Variants in TCF4 observed in about 807,000 individuals in gnomAD.
The protein encoded by TCF4 is transcription factor 4.
TCF4 carries 3 observed loss-of-function variants against 82.1 expected under a neutral mutation model. The ratio of observed to expected loss-of-function variants is 0.04; its 90% CI spans 0.02 to 0.09. TCF4 has a LOEUF of 0.09. Among genes scored for constraint, TCF4 ranks in the 10% least tolerant of loss-of-function variants. The probability of loss-of-function intolerance (pLI) is 1.00; values close to 1 mark genes in which losing one functional copy is unlikely to be tolerated. For synonymous variants in TCF4, 276 were observed against 309.6 expected (o/e 0.89, Z 1.14); for missense variants, 518 against 852.7 (o/e 0.61, Z 4.89).
chr18:55,600,962 C>G (rs1001963408), intron 2 of TCF4, among the ~76,000 whole-genome samples: 4 of 152,154 alleles, frequency 2.6e-5, no homozygotes, highest in Admixed American at 2.6e-4. Context: ...TATGCAGATA[C>G]TGTGCCATTT....
chr18:55,234,730 C>G (rs1029162522), intron 15 of TCF4, 47 bp from the exon 16 acceptor site: 2 of 1,613,018 alleles, frequency 1.2e-6, no homozygotes, highest in Non-Finnish European at 1.7e-6. Context: ...ACCGGAGGTG[C>G]GACAGCTATT....
chr18:55,241,669 T>C (rs1555734713), intron 15 of TCF4, among the ~76,000 whole-genome samples: 1 of 152,238 alleles, frequency 6.6e-6, no homozygotes, highest in Non-Finnish European at 1.5e-5. Flanking sequence ...CCATTACCCA[T>C]TGGCCTTTAT....
At chr18:55,365,191 A>ATATATATATATATGTGTG (rs1361444592) in intron 6 of TCF4, among the ~76,000 whole-genome samples, 7 of 97,952 alleles carry the variant, frequency 7.1e-5, no homozygotes, top group African/African-American at 3.5e-4. Flanking sequence ...ATATATATAT[A>ATATATATATATATGTGTG]TGTGTGTGTG....
chr18:55,431,483 T>C (rs183968329), intron 5 of TCF4, among the ~76,000 whole-genome samples: 2 of 152,286 alleles, frequency 1.3e-5, no homozygotes, highest in Admixed American at 1.3e-4. Context: ...TTTCACCACG[T>C]TGGCCAAGCT....
chr18:55,554,373 T>C (rs2097286258), intron 3 of TCF4, among the ~76,000 whole-genome samples: 1 of 152,140 alleles, frequency 6.6e-6, no homozygotes, highest in Admixed American at 6.6e-5. Flanking sequence ...AGTTTATTAA[T>C]AAAACACTAG....
chr18:55,484,692 C>A (rs2096490772), intron 3 of TCF4, among the ~76,000 whole-genome samples: 1 of 152,068 alleles, frequency 6.6e-6, no homozygotes, highest in Non-Finnish European at 1.5e-5. Flanking sequence ...ATGACTGTAC[C>A]CCATGTGTTG....
chr18:55,354,953 G>A (rs543622412), intron 6 of TCF4, among the ~76,000 whole-genome samples: 21 of 152,220 alleles, frequency 1.4e-4, no homozygotes, highest in Non-Finnish European at 2.8e-4. Context: ...AACATCTTGG[G>A]GGGATGTTGC....
At chr18:55,359,444 C>T (rs963365831) in intron 6 of TCF4, among the ~76,000 whole-genome samples, 15 of 152,174 alleles carry the variant, frequency 9.9e-5, no homozygotes, top group African/African-American at 3.6e-4. Context: ...TCTGTGGGAT[C>T]CTCAAGCGCA....
chr18:55,513,787 C>T (rs1168686403), intron 3 of TCF4, among the ~76,000 whole-genome samples: 1 of 151,970 alleles, frequency 6.6e-6, no homozygotes, highest in Non-Finnish European at 1.5e-5. Context: ...AAAGCTGATC[C>T]CCAATGTTTG....
chr18:55,476,174 C>CA (rs11298284), intron 3 of TCF4, among the ~76,000 whole-genome samples: 34 of 146,312 alleles, frequency 2.3e-4, no homozygotes, highest in Middle Eastern at 3.4e-3. Context: ...GGCTGACGTA[C>CA]AAAAAAAAAA....
intron 5 of TCF4, among the ~76,000 whole-genome samples, chr18:55,415,762 C>T (rs141810681): frequency 0.015 from 2,259 of 152,114 alleles, 24 homozygotes; most frequent in Non-Finnish European, 0.022. Context: ...TTTTTATTGC[C>T]CTATCTGACC....
intron 3 of TCF4, among the ~76,000 whole-genome samples, chr18:55,490,825 C>T (rs993619076): frequency 4.6e-5 from 7 of 152,084 alleles, no homozygotes; most frequent in South Asian, 4.2e-4. Context: ...ATTTGGACTG[C>T]ACCAGTATTT....
intron 4 of TCF4, among the ~76,000 whole-genome samples, chr18:55,463,094 C>G (rs1366865343): frequency 6.6e-6 from 1 of 151,610 alleles, no homozygotes; most frequent in Non-Finnish European, 1.5e-5. Context: ...AATGCTTCAT[C>G]TATATATATA....
chr18:55,458,984 T>C (rs1311987940), intron 5 of TCF4, among the ~76,000 whole-genome samples: 1 of 152,120 alleles, frequency 6.6e-6, no homozygotes, highest in Admixed American at 6.5e-5. Context: ...AGGTGGAAAA[T>C]GTAGCAGTTT....
chr18:55,565,289 A>G (rs72932748), intron 3 of TCF4, among the ~76,000 whole-genome samples: 6 of 152,086 alleles, frequency 3.9e-5, no homozygotes, highest in Admixed American at 6.6e-5. Context: ...ACTACAAAAC[A>G]ACCAATGTTC....
chr18:55,270,699 T>C (rs966470255), intron 10 of TCF4, among the ~76,000 whole-genome samples: 1 of 152,122 alleles, frequency 6.6e-6, no homozygotes, highest in Admixed American at 6.6e-5. Flanking sequence ...TGCTTTGAGT[T>C]TAATTATTAT....
intron 3 of TCF4, among the ~76,000 whole-genome samples, chr18:55,579,991 T>A (rs980970417): frequency 6.6e-6 from 1 of 152,062 alleles, no homozygotes; most frequent in African/African-American, 2.4e-5. Flanking sequence ...TATATATGTT[T>A]ATGTGACTTG....
upstream of TCF4, among the ~76,000 whole-genome samples, chr18:55,591,906 G>T (rs1248186339): frequency 6.6e-6 from 1 of 152,204 alleles, no homozygotes; most frequent in African/African-American, 2.4e-5. Context: ...CCAATTGCTA[G>T]TCTCGTTGCT....
intron 8 of TCF4, among the ~76,000 whole-genome samples, chr18:55,310,011 A>G (rs1490209081): frequency 6.6e-6 from 1 of 152,232 alleles, no homozygotes; most frequent in Non-Finnish European, 1.5e-5. Context: ...AAAGAATGTT[A>G]AAATTTTCTT....
Sources: allele counts gnomAD v4.1 joint callset (sites outside exome capture counted in the v4.1 genomes callset), GRCh38; gene constraint gnomAD v4.1.1; transcripts MANE v1.5; gene names NCBI Gene and HGNC (gene_info 2026-07-23, HGNC 2026-07-21).